NLGN1: variants seen among roughly 807,000 people sequenced by gnomAD.
The protein encoded by NLGN1 is neuroligin-1.
Under a neutral mutation model 65.5 loss-of-function variants are expected in NLGN1, and 12 were observed. That is an observed-to-expected ratio of 0.18 (90% CI 0.12 to 0.30). The LOEUF (loss-of-function observed/expected upper bound fraction) is 0.30. NLGN1 is among the 10% of genes least tolerant of loss of function. The pLI, the probability that NLGN1 is intolerant of heterozygous loss-of-function variation, is 1.00. For missense variants in NLGN1, 750 were observed against 1,007.1 expected (o/e 0.74, Z 3.46); for synonymous variants, 350 against 359.5 (o/e 0.97, Z 0.30).
At chr3:173,472,393 C>T (rs906495922) in intron 2 of NLGN1, among the ~76,000 whole-genome samples, 18 of 151,988 alleles carry the variant, frequency 1.2e-4, no homozygotes, top group African/African-American at 3.9e-4. Context: ...AATCTTGCCT[C>T]GTATAGAAAG....
intron 3 of NLGN1, among the ~76,000 whole-genome samples, chr3:173,804,908 C>A (rs2150431247): frequency 6.6e-6 from 1 of 152,180 alleles, no homozygotes; most frequent in Admixed American, 6.5e-5. Flanking sequence ...CGCCTGTAAT[C>A]CCAACTACTC....
intron 3 of NLGN1, among the ~76,000 whole-genome samples, chr3:173,635,030 A>C (rs1756357868): frequency 6.6e-6 from 1 of 152,144 alleles, no homozygotes. Flanking sequence ...TAACACATGT[A>C]GCACATGTAA....
chr3:173,894,253 A>AAC (rs760531883), intron 4 of NLGN1, among the ~76,000 whole-genome samples: 27 of 152,284 alleles, frequency 1.8e-4, no homozygotes, highest in Non-Finnish European at 2.9e-4. Context: ...GCCAACATCA[A>AAC]ACACACTACC....
chr3:173,473,698 A>AT (rs567693304), intron 2 of NLGN1, among the ~76,000 whole-genome samples: 13 of 152,120 alleles, frequency 8.5e-5, no homozygotes, highest in Non-Finnish European at 1.6e-4. Flanking sequence ...ACAATACGTT[A>AT]TTTTTTGCAT....
At chr3:174,142,488 T>A (rs1317869834) in intron 4 of NLGN1, among the ~76,000 whole-genome samples, 1 of 152,102 alleles carries the variant, frequency 6.6e-6, no homozygotes, top group Non-Finnish European at 1.5e-5. Context: ...AAAAGGTATG[T>A]TAGTACAAAT....
At chr3:173,687,185 A>T (rs75553551) in intron 3 of NLGN1, among the ~76,000 whole-genome samples, 4,295 of 152,296 alleles carry the variant, frequency 0.028, 90 homozygotes, top group Middle Eastern at 0.045. Context: ...TGTAGAACCG[A>T]GTTGGATTCT....
At chr3:173,568,075 AAAT>A (rs1174783197) in intron 2 of NLGN1, among the ~76,000 whole-genome samples, 1 of 152,190 alleles carries the variant, frequency 6.6e-6, no homozygotes, top group African/African-American at 2.4e-5. Flanking sequence ...TTACCTCAAA[AAAT>A]AATGATTTAT....
chr3:173,727,556 A>G (rs1047436652), intron 3 of NLGN1, among the ~76,000 whole-genome samples: 3 of 152,108 alleles, frequency 2.0e-5, no homozygotes, highest in African/African-American at 4.8e-5. Context: ...TTTGCTGGGC[A>G]TTTCCAAATG....
At chr3:174,056,729 C>G (rs943844892) in intron 4 of NLGN1, among the ~76,000 whole-genome samples, 2 of 151,958 alleles carry the variant, frequency 1.3e-5, no homozygotes, top group African/African-American at 4.8e-5. Flanking sequence ...CGTTCAAGCA[C>G]TATATTTCAG....
At chr3:174,014,070 C>A (rs1467942678) in intron 4 of NLGN1, among the ~76,000 whole-genome samples, 1 of 151,978 alleles carries the variant, frequency 6.6e-6, no homozygotes, top group South Asian at 2.1e-4. Context: ...GTTGATATTG[C>A]CACGTCTTAG....
chr3:173,608,163 G>A (rs544508693), intron 3 of NLGN1, among the ~76,000 whole-genome samples: 1 of 151,782 alleles, frequency 6.6e-6, no homozygotes, highest in African/African-American at 2.4e-5. Flanking sequence ...TTTTTAAATA[G>A]AGCATTTACA....
intron 4 of NLGN1, among the ~76,000 whole-genome samples, chr3:174,013,360 A>T (rs553465493): frequency 6.6e-6 from 1 of 152,318 alleles, no homozygotes; most frequent in South Asian, 2.1e-4. Flanking sequence ...AATAACACAA[A>T]TTGGATTTAA....
At chr3:174,000,010 A>G (rs1443398782) in intron 4 of NLGN1, among the ~76,000 whole-genome samples, 3 of 152,164 alleles carry the variant, frequency 2.0e-5, no homozygotes, top group Admixed American at 2.0e-4. Flanking sequence ...AAGCCCATCA[A>G]AGCAAAGAAT....
intron 3 of NLGN1, among the ~76,000 whole-genome samples, chr3:173,768,398 G>T (rs1779079809): frequency 6.6e-6 from 1 of 152,130 alleles, no homozygotes; most frequent in Non-Finnish European, 1.5e-5. Flanking sequence ...ACACTCAGTA[G>T]CTTATTAATA....
At chr3:173,755,104 T>G (rs1776894677) in intron 3 of NLGN1, among the ~76,000 whole-genome samples, 1 of 152,246 alleles carries the variant, frequency 6.6e-6, no homozygotes, top group East Asian at 1.9e-4. Flanking sequence ...TTAGAAAAGC[T>G]TTAAAAATCA....
intron 4 of NLGN1, among the ~76,000 whole-genome samples, chr3:174,127,389 T>C (rs527936927): frequency 6.6e-6 from 1 of 152,324 alleles, no homozygotes; most frequent in South Asian, 2.1e-4. Context: ...CTTGATTCTA[T>C]GTTATCCTGT....
At chr3:173,731,782 A>T (rs1325060259) in intron 3 of NLGN1, among the ~76,000 whole-genome samples, 1 of 152,118 alleles carries the variant, frequency 6.6e-6, no homozygotes, top group Non-Finnish European at 1.5e-5. Context: ...AAATATAAAT[A>T]TATAAAGGAG....
At chr3:173,946,772 A>G (rs1019549493) in intron 4 of NLGN1, among the ~76,000 whole-genome samples, 3 of 152,198 alleles carry the variant, frequency 2.0e-5, no homozygotes, top group African/African-American at 7.2e-5. Context: ...AACCATTGCC[A>G]ATATGTCCAT....
At chr3:174,082,480 T>C (rs1036869662) in intron 4 of NLGN1, among the ~76,000 whole-genome samples, 29 of 151,974 alleles carry the variant, frequency 1.9e-4, no homozygotes, top group African/African-American at 6.8e-4. Flanking sequence ...ATGCAAGCAA[T>C]TGGCAGCATG....
Sources: allele counts gnomAD v4.1 joint callset (sites outside exome capture counted in the v4.1 genomes callset), GRCh38; gene constraint gnomAD v4.1.1; transcripts MANE v1.5; gene names NCBI Gene and HGNC (gene_info 2026-07-23, HGNC 2026-07-21).